Variants in MGAM2 observed in about 807,000 individuals in gnomAD.
The protein encoded by MGAM2 is maltase-glucoamylase 2 (putative), also known as probable maltase-glucoamylase 2.
A neutral mutation model predicts 96.1 loss-of-function variants in MGAM2; 98 were observed. The ratio of observed to expected loss-of-function variants is 1.02; its 90% confidence interval spans 0.87 to 1.21. MGAM2 has a LOEUF of 1.21. Among genes scored for constraint, MGAM2 ranks in the 50% most tolerant of loss-of-function variants. The pLI is 0.00. For missense variants in MGAM2, 2,055 were observed against 1,182.4 expected, an observed-to-expected ratio of 1.74 and a Z score of -10.82; for synonymous variants, 749 against 414.8, an observed-to-expected ratio of 1.81 and a Z score of -9.79.
intron 33 of MGAM2, 31 bp downstream of exon 33, chr7:142,183,404 T>C: frequency 1.4e-6 from 1 of 698,420 alleles, no homozygotes. Context: ...TTACAGTTAA[T>C]TAACATTACA....
chr7:142,194,034 T>C (rs1796950719), intron 37 of MGAM2, among the ~76,000 whole-genome samples: 1 of 133,408 alleles, frequency 7.5e-6, no homozygotes, highest in Non-Finnish European at 1.6e-5. Flanking sequence ...TTCTTTCTTC[T>C]TCTTTTTTTT....
At chr7:142,155,245 A>G (rs1795702895) in intron 17 of MGAM2, among the ~76,000 whole-genome samples, 1 of 152,218 alleles carries the variant, frequency 6.6e-6, no homozygotes, top group Admixed American at 6.5e-5. Context: ...CAGTGATCTC[A>G]ACATTTCTTT....
At chr7:142,132,510 A>G (rs1307523867) in intron 6 of MGAM2, among the ~76,000 whole-genome samples, 1 of 137,442 alleles carries the variant, frequency 7.3e-6, no homozygotes, top group East Asian at 2.1e-4. Context: ...TAAATTATAA[A>G]AATTTAAATG....
chr7:142,194,551 C>A (rs1426931906), intron 37 of MGAM2, among the ~76,000 whole-genome samples: 1 of 152,194 alleles, frequency 6.6e-6, no homozygotes, highest in East Asian at 1.9e-4. Context: ...CACATACATA[C>A]ATATGCATTC....
intron 24 of MGAM2, among the ~76,000 whole-genome samples, chr7:142,165,343 G>A (rs1796000115): frequency 6.6e-6 from 1 of 152,122 alleles, no homozygotes; most frequent in Admixed American, 6.5e-5. Flanking sequence ...TTTACACATT[G>A]GTCCTCTCAT....
chr7:142,194,531 T>TGTTTA, intron 37 of MGAM2, among the ~76,000 whole-genome samples: 1 of 91,508 alleles, frequency 1.1e-5, no homozygotes, highest in African/African-American at 3.9e-5. Flanking sequence ...TCACCCCCAT[T>TGTTTA]TCTTTATCAC....
At chr7:142,136,973 G>A (rs145463824) in intron 8 of MGAM2, among the ~76,000 whole-genome samples, 12 of 152,246 alleles carry the variant, frequency 7.9e-5, no homozygotes, top group Admixed American at 2.0e-4. Flanking sequence ...TAGGCAACAA[G>A]GCTGTGTTTT....
intron 5 of MGAM2, 128 bp from the exon 6 acceptor site, chr7:142,131,803 G>A: frequency 1.6e-6 from 1 of 612,072 alleles, no homozygotes; most frequent in Non-Finnish European, 2.9e-6. Context: ...TCACAAATCA[G>A]AAGCCACAAG....
At position 142,167,464 on chromosome 7, in the gene MGAM2, C is replaced by G. The variant is rs1337395313; in HGVS notation, c.3005C>G (p.Thr1002Arg). 3 of 703,036 alleles carry G rather than the reference C, an allele frequency of 4.3e-6. No homozygotes were observed. The highest frequency in any genetic ancestry group is 7.8e-6 in the Non-Finnish European group (3 of 385,012). The allele number at this position is 703,036 out of a possible 1,614,324, so 43.5% of individuals were successfully genotyped here. A position where few individuals can be genotyped will look rare whatever the true frequency, so the allele number is the denominator to read the frequency against. Residue 1002 changes from threonine to arginine, a missense_variant, in exon 26 of 48, where the codon ACA (threonine) becomes AGA (arginine). Physicochemically the swap from Thr to Arg is moderately conservative, Grantham distance 71. Coordinates refer to ENST00000477922, the MANE Select transcript of MGAM2 (RefSeq NM_001293626.2). ...CTCCACCTGAAAGTGATCTATCACACAGCAACCATGCTGCAGGTCAAGGTA... is the reference window on the plus strand; with the variant it reads ...CTCCACCTGAAAGTGATCTATCACAGAGCAACCATGCTGCAGGTCAAGGTA... ...SFLHLKVIYH[T>R]ATMLQVKIYD...
At chr7:142,125,618 T>A (rs904463156) in intron 3 of MGAM2, among the ~76,000 whole-genome samples, 1 of 152,138 alleles carries the variant, frequency 6.6e-6, no homozygotes, top group Non-Finnish European at 1.5e-5. Flanking sequence ...ATTAGATTTA[T>A]GGAGAGTTAA....
intron 37 of MGAM2, among the ~76,000 whole-genome samples, chr7:142,190,051 A>G (rs776684418): frequency 2.6e-5 from 4 of 151,864 alleles, no homozygotes; most frequent in Non-Finnish European, 5.9e-5. Flanking sequence ...TTGCTTGCCT[A>G]TCTACCAATG....
chr7:142,209,799 T>C (rs1310609540), intron 46 of MGAM2, among the ~76,000 whole-genome samples: 1 of 152,174 alleles, frequency 6.6e-6, no homozygotes, highest in Non-Finnish European at 1.5e-5. Context: ...GAGCTGTCTA[T>C]CCAGTATGAT....
intron 46 of MGAM2, among the ~76,000 whole-genome samples, chr7:142,215,734 G>C (rs1034444879): frequency 2.0e-5 from 3 of 147,816 alleles, no homozygotes; most frequent in Non-Finnish European, 4.5e-5. Flanking sequence ...CTCCAGCCTG[G>C]GTAGCAAGAG....
At chr7:142,214,894 GATTCCTCA>G (rs1797706828) in intron 46 of MGAM2, among the ~76,000 whole-genome samples, 1 of 152,168 alleles carries the variant, frequency 6.6e-6, no homozygotes, top group South Asian at 2.1e-4. Context: ...ACAGTGTGGT[GATTCCTCA>G]AGGATCTAGA....
intron 46 of MGAM2, among the ~76,000 whole-genome samples, chr7:142,216,206 A>G (rs1247842766): frequency 6.6e-6 from 1 of 152,182 alleles, no homozygotes; most frequent in Non-Finnish European, 1.5e-5. Context: ...TCTGCCCTTA[A>G]GAGTAGTTGG....
chr7:142,220,127 A>T lies in MGAM2; in HGVS notation c.5616A>T (p.Thr1872=), dbSNP rs1335070337. 2 of 702,660 alleles carry T rather than the reference A, an allele frequency of 2.8e-6. No homozygotes were observed. The highest frequency in any genetic ancestry group is 2.0e-5 in the Admixed American group (1 of 49,978). 43.5% of individuals were successfully genotyped at this position (702,660 alleles called of 1,614,324 possible). ...CTTTCCCAAGTACTACTAGTGTTAC[A>T]ACTAATACTACTGTTCCTGATACAA... is the stretch of plus-strand genomic sequence containing the variant. ...TTSFPSTTSV[T]TNTTVPDTTS... The change falls in exon 48 of 48, where the codon ACA becomes ACT. Residue 1872 remains threonine (T), a synonymous_variant. Coordinates refer to ENST00000477922, the MANE Select transcript of MGAM2 (RefSeq NM_001293626.2).
chr7:142,198,237 C>T (rs1356737816), intron 43 of MGAM2, 42 bp downstream of exon 43: 1 of 697,412 alleles, frequency 1.4e-6, no homozygotes, highest in Non-Finnish European at 2.6e-6. Context: ...TTGGTCTATG[C>T]AGGGTGGAGA....
intron 10 of MGAM2, among the ~76,000 whole-genome samples, chr7:142,139,522 G>A (rs913874731): frequency 1.3e-5 from 2 of 151,986 alleles, no homozygotes; most frequent in Non-Finnish European, 2.9e-5. Context: ...TTACCCAGGT[G>A]TGGTGGCACA....
chr7:142,194,688 A>ATGTGTGTG (rs1491431748), intron 37 of MGAM2, among the ~76,000 whole-genome samples: 12 of 112,238 alleles, frequency 1.1e-4, no homozygotes, highest in African/African-American at 3.6e-4. Flanking sequence ...TTAATAGAAC[A>ATGTGTGTG]TGTGTGTATG....
Sources: allele counts gnomAD v4.1 joint callset (sites outside exome capture counted in the v4.1 genomes callset), GRCh38; gene constraint gnomAD v4.1.1; transcripts MANE v1.5; gene names NCBI Gene and HGNC (gene_info 2026-07-23, HGNC 2026-07-21).